HYCC1: variants seen among roughly 807,000 people sequenced by gnomAD.
HYCC1 encodes hyccin PI4KA lipid kinase complex subunit 1.
At chr7:22,926,843 T>G in the HYCC1 span, among the ~76,000 whole-genome samples, 1 of 151,542 alleles carries the variant, frequency 6.6e-6, no homozygotes, top group Admixed American at 6.6e-5. Flanking sequence ...CTAATAGACA[T>G]CTACAGAACT....
At chr7:22,985,283 C>CA in the HYCC1 span, among the ~76,000 whole-genome samples, 1 of 152,108 alleles carries the variant, frequency 6.6e-6, no homozygotes. Flanking sequence ...TAAATTTTTA[C>CA]AATAAAGACA....
At chr7:23,007,916 T>TA in the HYCC1 span, among the ~76,000 whole-genome samples, 3 of 152,076 alleles carry the variant, frequency 2.0e-5, no homozygotes, top group Non-Finnish European at 4.4e-5. Flanking sequence ...TGAAAAGGCA[T>TA]AGAAGACTAT....
chr7:22,938,710 G>A, the HYCC1 span: 1 of 152,000 alleles, frequency 6.6e-6, no homozygotes, highest in African/African-American at 2.4e-5. Context: ...CAAGAAGTTT[G>A]CCCTTTCTAA....
the HYCC1 span, among the ~76,000 whole-genome samples, chr7:22,908,540 T>C: frequency 1.3e-5 from 2 of 152,190 alleles, no homozygotes; most frequent in Admixed American, 1.3e-4. Context: ...GCATCTTTGA[T>C]CTACATCTTC....
At chr7:22,998,504 A>G in the HYCC1 span, among the ~76,000 whole-genome samples, 1 of 152,182 alleles carries the variant, frequency 6.6e-6, no homozygotes, top group South Asian at 2.1e-4. Flanking sequence ...TATATAACAT[A>G]ATTTTTAAGT....
chr7:22,945,746 A>G, the HYCC1 span: 3 of 1,613,842 alleles, frequency 1.9e-6, no homozygotes, highest in East Asian at 4.5e-5. Flanking sequence ...CCCACAACCA[A>G]CAGCAGATGA....
the HYCC1 span, among the ~76,000 whole-genome samples, chr7:23,011,435 C>A: frequency 1.3e-4 from 20 of 152,290 alleles, no homozygotes; most frequent in African/African-American, 4.6e-4. Context: ...TCCTCATTTC[C>A]ATCAACAGAA....
chr7:22,978,445 G>T, the HYCC1 span: 1 of 1,613,336 alleles, frequency 6.2e-7, no homozygotes, highest in Non-Finnish European at 8.5e-7. Flanking sequence ...ACAGGTTCTA[G>T]CAACTAGAAG....
chr7:22,985,688 C>A, the HYCC1 span: 19 of 151,994 alleles, frequency 1.3e-4, no homozygotes, highest in East Asian at 3.7e-3. Context: ...CACAAAAGAT[C>A]TCGAGGCAAC....
chr7:22,945,346 TAAG>T, the HYCC1 span: 1 of 549,976 alleles, frequency 1.8e-6, no homozygotes, highest in Non-Finnish European at 3.2e-6. Context: ...CAATAACAAA[TAAG>T]AGGAGGGAAA....
the HYCC1 span, among the ~76,000 whole-genome samples, chr7:22,966,591 A>G: frequency 6.6e-6 from 1 of 152,200 alleles, no homozygotes; most frequent in African/African-American, 2.4e-5. Context: ...TCTATGCTTG[A>G]TATAATATGA....
the HYCC1 span, among the ~76,000 whole-genome samples, chr7:22,989,242 G>A: frequency 6.6e-6 from 1 of 150,780 alleles, no homozygotes; most frequent in African/African-American, 2.4e-5. Flanking sequence ...AAAAAAAGCC[G>A]TGATAACAGA....
the HYCC1 span, among the ~76,000 whole-genome samples, chr7:22,924,134 T>A: frequency 6.9e-6 from 1 of 144,434 alleles, no homozygotes; most frequent in African/African-American, 2.6e-5. Flanking sequence ...AGGGAGATCA[T>A]GTCACTGCAC....
chr7:23,000,036 T>C, the HYCC1 span, among the ~76,000 whole-genome samples: 1 of 151,926 alleles, frequency 6.6e-6, no homozygotes, highest in Non-Finnish European at 1.5e-5. Context: ...AAATAAAACA[T>C]ACACAAAAAC....
At chr7:22,923,717 T>A in the HYCC1 span, among the ~76,000 whole-genome samples, 1 of 152,148 alleles carries the variant, frequency 6.6e-6, no homozygotes, top group Non-Finnish European at 1.5e-5. Context: ...GGGGCATTAC[T>A]ACTGGCCTTA....
At chr7:22,963,623 A>G in the HYCC1 span, among the ~76,000 whole-genome samples, 3 of 152,242 alleles carry the variant, frequency 2.0e-5, no homozygotes, top group Non-Finnish European at 2.9e-5. Flanking sequence ...GGGCCAGACA[A>G]TAAGTATTTT....
chr7:22,897,323 CTG>C, the HYCC1 span, among the ~76,000 whole-genome samples: 1 of 152,156 alleles, frequency 6.6e-6, no homozygotes, highest in Non-Finnish European at 1.5e-5. Context: ...CAGGAAACAA[CTG>C]GAGAGTTTTA....
At chr7:22,921,683 G>A in the HYCC1 span, among the ~76,000 whole-genome samples, 1 of 152,096 alleles carries the variant, frequency 6.6e-6, no homozygotes, top group Non-Finnish European at 1.5e-5. Flanking sequence ...TGAGGATTAT[G>A]GGTAAAAATA....
the HYCC1 span, chr7:22,936,542 A>C: frequency 6.6e-6 from 1 of 152,232 alleles, no homozygotes; most frequent in Admixed American, 6.5e-5. Context: ...TGTCTGTAGG[A>C]AACAATTATT....
Sources: gnomAD v4.1 joint callset for allele counts (sites outside exome capture counted in the v4.1 genomes callset) on GRCh38, gnomAD v4.1.1 for gene constraint, MANE v1.5 for transcripts, NCBI Gene and HGNC (gene_info 2026-07-23, HGNC 2026-07-21) for gene names.